Variants in CNTN5 observed in about 807,000 individuals in gnomAD.
CNTN5 encodes the protein contactin 5, also known as contactin-5.
A neutral mutation model predicts 129.1 loss-of-function variants in CNTN5; 77 were observed. That is an observed-to-expected ratio of 0.60 (90% CI 0.50 to 0.72). The LOEUF is 0.72. Among genes scored for constraint, CNTN5 ranks in the 30% least tolerant of loss-of-function variants. The probability of loss-of-function intolerance (pLI) is 0.00; values close to 1 mark genes in which losing one functional copy is unlikely to be tolerated. For synonymous variants in CNTN5, 509 were observed against 465.6 expected (o/e 1.09, Z -1.20); for missense variants, 1,478 against 1,328.8 (o/e 1.11, Z -1.75).
intron 18 of CNTN5, among the ~76,000 whole-genome samples, chr11:100,286,281 G>A (rs557711869): frequency 5.9e-5 from 9 of 152,336 alleles, no homozygotes; most frequent in African/African-American, 2.2e-4. Context: ...GCCTGCCTCT[G>A]TAGGCTCCAC....
chr11:99,717,885 A>T (rs1160713702), intron 3 of CNTN5, among the ~76,000 whole-genome samples: 1 of 152,146 alleles, frequency 6.6e-6, no homozygotes, highest in East Asian at 1.9e-4. Context: ...AGAAGATTAT[A>T]GTTAGAGAAA....
intron 3 of CNTN5, among the ~76,000 whole-genome samples, chr11:99,737,381 A>C (rs780587640): frequency 1.3e-5 from 2 of 152,222 alleles, no homozygotes; most frequent in Admixed American, 6.6e-5. Flanking sequence ...GTTGATAAAA[A>C]ATATATAACC....
intron 13 of CNTN5, among the ~76,000 whole-genome samples, chr11:100,163,184 A>G (rs1660605969): frequency 1.3e-5 from 2 of 151,876 alleles, no homozygotes; most frequent in Admixed American, 6.6e-5. Flanking sequence ...CTTTGTTAAC[A>G]TTCATTTGGA....
At chr11:99,613,504 T>G (rs1488923963) in intron 3 of CNTN5, among the ~76,000 whole-genome samples, 2 of 151,984 alleles carry the variant, frequency 1.3e-5, no homozygotes, top group African/African-American at 2.4e-5. Context: ...AGCATGAAAA[T>G]AGACTTATAC....
chr11:100,101,371 T>G (rs1408458716), intron 13 of CNTN5, among the ~76,000 whole-genome samples: 1 of 152,072 alleles, frequency 6.6e-6, no homozygotes, highest in Non-Finnish European at 1.5e-5. Flanking sequence ...AAGATTAAAG[T>G]GAATTATATT....
At chr11:99,420,247 A>C (rs1036303051) in intron 2 of CNTN5, among the ~76,000 whole-genome samples, 4 of 152,150 alleles carry the variant, frequency 2.6e-5, no homozygotes, top group Non-Finnish European at 2.9e-5. Flanking sequence ...AAAGGAAATT[A>C]CTTCAAAGAA....
intron 3 of CNTN5, among the ~76,000 whole-genome samples, chr11:99,736,118 C>T (rs528876814): frequency 6.6e-6 from 1 of 151,222 alleles, no homozygotes; most frequent in African/African-American, 2.4e-5. Flanking sequence ...TTTAAGATTT[C>T]TTTTGAGCGT....
At chr11:99,759,661 G>A (rs944342365) in intron 3 of CNTN5, among the ~76,000 whole-genome samples, 8 of 149,606 alleles carry the variant, frequency 5.3e-5, no homozygotes, top group African/African-American at 9.8e-5. Context: ...GGTGTTTGCC[G>A]GTAGTCAGAC....
intron 13 of CNTN5, among the ~76,000 whole-genome samples, chr11:100,163,321 A>G (rs770570411): frequency 2.0e-5 from 3 of 151,708 alleles, no homozygotes; most frequent in Admixed American, 6.6e-5. Context: ...AAACTTGTTT[A>G]TGTTTTTTTC....
At chr11:99,111,722 A>C (rs1285291844) in intron 1 of CNTN5, among the ~76,000 whole-genome samples, 1 of 152,028 alleles carries the variant, frequency 6.6e-6, no homozygotes, top group East Asian at 1.9e-4. Context: ...TAAAATTTAT[A>C]CAGTTTGGGA....
At chr11:99,626,903 A>G (rs1371451782) in intron 3 of CNTN5, among the ~76,000 whole-genome samples, 1 of 152,146 alleles carries the variant, frequency 6.6e-6, no homozygotes, top group Non-Finnish European at 1.5e-5. Context: ...TAATTGCACA[A>G]TGATCAAGAG....
intron 1 of CNTN5, among the ~76,000 whole-genome samples, chr11:99,194,334 A>G (rs2135600021): frequency 6.6e-6 from 1 of 152,280 alleles, no homozygotes; most frequent in South Asian, 2.1e-4. Flanking sequence ...GACCACAAAG[A>G]TGAGATAAAA....
At chr11:99,458,871 G>A (rs1016363994) in intron 2 of CNTN5, among the ~76,000 whole-genome samples, 7 of 151,958 alleles carry the variant, frequency 4.6e-5, no homozygotes, top group Admixed American at 4.6e-4. Flanking sequence ...AGATGAGCAA[G>A]AACCTTATGT....
intron 1 of CNTN5, among the ~76,000 whole-genome samples, chr11:99,299,132 C>T (rs1321605722): frequency 1.3e-5 from 2 of 151,960 alleles, no homozygotes; most frequent in Admixed American, 1.3e-4. Context: ...ACAAGACATA[C>T]CAAAAAATAA....
chr11:99,848,930 A>G (rs1947787276), intron 6 of CNTN5, among the ~76,000 whole-genome samples: 1 of 152,150 alleles, frequency 6.6e-6, no homozygotes, highest in African/African-American at 2.4e-5. Context: ...GTGATTAACC[A>G]TTATTATTGT....
intron 3 of CNTN5, among the ~76,000 whole-genome samples, chr11:99,602,671 CA>C (rs1312232319): frequency 6.6e-6 from 1 of 151,308 alleles, no homozygotes; most frequent in East Asian, 1.9e-4. Flanking sequence ...AAAAATGTAT[CA>C]AAAATCACAG....
chr11:99,924,075 C>T (rs528604069), intron 7 of CNTN5, among the ~76,000 whole-genome samples: 56 of 152,304 alleles, frequency 3.7e-4, no homozygotes, highest in African/African-American at 1.3e-3. Context: ...CAGACGTGAG[C>T]CGCCACACCC....
intron 7 of CNTN5, among the ~76,000 whole-genome samples, chr11:99,930,356 T>G (rs1950163080): frequency 6.6e-6 from 1 of 152,224 alleles, no homozygotes; most frequent in Admixed American, 6.5e-5. Context: ...TTTTGACCCT[T>G]ACTGTGTATG....
intron 1 of CNTN5, among the ~76,000 whole-genome samples, chr11:99,252,793 T>C (rs908299831): frequency 6.6e-6 from 1 of 152,052 alleles, no homozygotes. Flanking sequence ...CTTTATATAG[T>C]CTATGCTCTA....
Sources: gnomAD v4.1 joint callset for allele counts (sites outside exome capture counted in the v4.1 genomes callset) on GRCh38, gnomAD v4.1.1 for gene constraint, MANE v1.5 for transcripts, NCBI Gene and HGNC (gene_info 2026-07-23, HGNC 2026-07-21) for gene names.